Variants in COL13A1 observed in about 807,000 individuals in gnomAD.
The protein encoded by COL13A1 is collagen alpha-1(XIII) chain.
Under a neutral mutation model 130.9 loss-of-function variants are expected in COL13A1, and 89 were observed. The observed-to-expected ratio is 0.68, with a 90% CI of 0.57 to 0.81. The LOEUF is 0.81. Among genes scored for constraint, COL13A1 ranks in the 30% least tolerant of loss-of-function variants. The pLI, the probability that COL13A1 is intolerant of heterozygous loss-of-function variation, is 0.00. For synonymous variants in COL13A1, 402 were observed against 341.6 expected (o/e 1.18, Z -1.95); for missense variants, 879 against 934.6 (o/e 0.94, Z 0.78).
At chr10:69,944,209 G>T in intron 36 of COL13A1, 31 bp downstream of exon 36, 4 of 1,604,826 alleles carry the variant, frequency 2.5e-6, no homozygotes, top group Non-Finnish European at 3.4e-6. Flanking sequence ...GGCCTGGGCG[G>T]CCAGGAGGGA....
chr10:69,874,606 G>A (rs1403190438), intron 4 of COL13A1, among the ~76,000 whole-genome samples: 1 of 152,214 alleles, frequency 6.6e-6, no homozygotes, highest in Admixed American at 6.5e-5. Context: ...GGAGGGAGGA[G>A]TGGAGAAAGA....
intron 1 of COL13A1, among the ~76,000 whole-genome samples, chr10:69,820,823 G>A (rs1845886299): frequency 6.6e-6 from 1 of 152,120 alleles, no homozygotes; most frequent in African/African-American, 2.4e-5. Flanking sequence ...GGTGGAGCGG[G>A]CTTTGTGCCA....
intron 2 of COL13A1, among the ~76,000 whole-genome samples, chr10:69,858,115 C>CAA (rs573668102): frequency 0.031 from 2,514 of 80,192 alleles, 172 homozygotes; most frequent in Middle Eastern, 0.14. Context: ...GACTCCGTCT[C>CAA]AAAAAAAAAA....
chr10:69,917,553 G>A (rs571133469), intron 18 of COL13A1, among the ~76,000 whole-genome samples: 2 of 152,160 alleles, frequency 1.3e-5, no homozygotes, highest in South Asian at 4.2e-4. Flanking sequence ...GCCATCTCAG[G>A]TACCACTAGC....
At chr10:69,816,689 C>T (rs1054870665) in intron 1 of COL13A1, among the ~76,000 whole-genome samples, 2 of 152,050 alleles carry the variant, frequency 1.3e-5, no homozygotes, top group African/African-American at 4.8e-5. Flanking sequence ...GAGTGCGTGT[C>T]CTGGGAGCCA....
chr10:69,892,190 G>A (rs1295453862), intron 10 of COL13A1, among the ~76,000 whole-genome samples: 3 of 152,166 alleles, frequency 2.0e-5, no homozygotes, highest in African/African-American at 7.2e-5. Context: ...GTTTGGCTTG[G>A]CATGGGTACC....
chr10:69,827,803 C>T (rs1847857458), intron 2 of COL13A1, among the ~76,000 whole-genome samples: 1 of 152,136 alleles, frequency 6.6e-6, no homozygotes, highest in Admixed American at 6.5e-5. Flanking sequence ...AGACTTTGCC[C>T]CCAACAGCCT....
intron 38 of COL13A1, among the ~76,000 whole-genome samples, chr10:69,947,591 G>A (rs978688021): frequency 6.6e-6 from 1 of 152,094 alleles, no homozygotes; most frequent in Non-Finnish European, 1.5e-5. Context: ...CACCAGCTTA[G>A]CATTGCTATC....
intron 2 of COL13A1, among the ~76,000 whole-genome samples, chr10:69,863,904 C>G (rs907908623): frequency 1.3e-5 from 2 of 152,046 alleles, no homozygotes; most frequent in Non-Finnish European, 2.9e-5. Flanking sequence ...TAGTGAAACT[C>G]CATCCTTACA....
At chr10:69,808,414 G>C (rs1301145228) in intron 1 of COL13A1, among the ~76,000 whole-genome samples, 1 of 152,212 alleles carries the variant, frequency 6.6e-6, no homozygotes, top group Non-Finnish European at 1.5e-5. Context: ...ATTTAGCTCA[G>C]AGAAGGAAAA....
At chr10:69,884,591 G>T (rs763165600) in intron 7 of COL13A1, among the ~76,000 whole-genome samples, 1 of 152,116 alleles carries the variant, frequency 6.6e-6, no homozygotes, top group Non-Finnish European at 1.5e-5. Context: ...GACCTCCTTC[G>T]GCTCCCTTTT....
intron 2 of COL13A1, among the ~76,000 whole-genome samples, chr10:69,854,119 G>A (rs186455402): frequency 2.0e-5 from 3 of 152,294 alleles, no homozygotes; most frequent in East Asian, 1.9e-4. Flanking sequence ...TCCCTGGCAC[G>A]TACACTGGAG....
rs114360187 is a variant in COL13A1, at chr10:69,863,761, A to G, written c.365-4037A>G. Among the ~76,000 whole-genome samples the G allele has an allele frequency of 8.8e-3, 1,335 of 152,254 alleles. 16 individuals are homozygous for G. Among genetic ancestry groups the G allele is most frequent in the African/African-American group, 0.03 (1,256 of 41,538 alleles). On this transcript the variant is annotated intron_variant, in intron 2 of 40. Transcript: ENST00000645393. ...GAGACCAAATTCAAATCCAGGCCCT[A>G]CCATATGGAAATAAAAGTTAAACAA... is the stretch of plus-strand genomic sequence containing the variant.
intron 36 of COL13A1, among the ~76,000 whole-genome samples, chr10:69,945,221 G>C (rs1464204914): frequency 6.6e-6 from 1 of 152,252 alleles, no homozygotes; most frequent in African/African-American, 2.4e-5. Flanking sequence ...TGTCTCAGGT[G>C]GGGAGGGCAG....
At chr10:69,955,731 G>C (rs2070543675) in intron 39 of COL13A1, 1 of 152,196 alleles carries the variant, frequency 6.6e-6, no homozygotes, top group African/African-American at 2.4e-5. Context: ...GAAAATGAAG[G>C]TCACCCTGAT....
At chr10:69,824,080 T>A (rs1466951294) in intron 2 of COL13A1, 1 of 472,022 alleles carries the variant, frequency 2.1e-6, no homozygotes, top group Admixed American at 2.4e-5. Flanking sequence ...GAATTCCATC[T>A]CCAACATGGA....
rs536140678 is a variant in COL13A1 at position 69,945,848 on chromosome 10, G to A, written c.2022+124G>A. 6.2e-5 allele frequency: 73 copies of A among 1,171,034 alleles called. 1 individual carries two copies. Among genetic ancestry groups the A allele is most frequent in the African/African-American group, 5.2e-4 (34 of 65,124 alleles). 72.5% of individuals were successfully genotyped at this position (1,171,034 alleles called of 1,614,324 possible). A position where few individuals can be genotyped will look rare whatever the true frequency, so the allele number is the denominator to read the frequency against. On this transcript the variant is annotated intron_variant, in intron 37 of 40. Coordinates refer to ENST00000645393, the MANE Select transcript of COL13A1 (RefSeq NM_001368882.1). ...AGCACTTTGGGAGGCCGAGGCGGGC[G>A]CATCACGAGGTCAGGAGATCAAGAC...
chr10:69,921,206 C>T (rs989474761), intron 21 of COL13A1, among the ~76,000 whole-genome samples: 1 of 152,186 alleles, frequency 6.6e-6, no homozygotes, highest in African/African-American at 2.4e-5. Context: ...TGCTGGCAAT[C>T]TTTGGCATTC....
Position 69,895,564 on chromosome 10 carries a change from G to A in COL13A1, c.672G>A (p.Glu224=). 3 of 1,613,970 alleles carry A rather than the reference G, an allele frequency of 1.9e-6. No individual in the cohort carries two copies. The highest frequency in any genetic ancestry group is 2.5e-6 in the Non-Finnish European group (3 of 1,179,878). Residue 224 remains glutamate, a synonymous_variant, in exon 13 of 41, where the codon GAG becomes GAA. Transcript: ENST00000645393. ...GQKGEKGQCG[E]YPHRLLPLLN... Reference sequence around the variant, plus strand: ...CTCCTTCCCAGGGTCAGTGTGGAGAGTACCCACACCGGGTAAGTGAACCCC... The same window carrying A: ...CTCCTTCCCAGGGTCAGTGTGGAGAATACCCACACCGGGTAAGTGAACCCC...
Sources: allele counts gnomAD v4.1 joint callset (sites outside exome capture counted in the v4.1 genomes callset), GRCh38; gene constraint gnomAD v4.1.1; transcripts MANE v1.5; gene names NCBI Gene and HGNC (gene_info 2026-07-23, HGNC 2026-07-21).